The following ANK2 variants were observed in gnomAD, a reference collection of about 807,000 sequenced individuals.
ANK2 encodes ankyrin-2.
In ANK2, 83 loss-of-function variants were observed where a neutral mutation model predicts 360.5. That is an observed-to-expected ratio of 0.23 (90% confidence interval 0.19 to 0.28). The LOEUF (loss-of-function observed/expected upper bound fraction) is 0.28, where lower values mean the gene tolerates loss of function less well. Among genes scored for constraint, ANK2 ranks in the 10% least tolerant of loss-of-function variants. ANK2 has a pLI of 1.00. For synonymous variants in ANK2, 1,740 were observed against 1,759.5 expected (o/e 0.99, Z 0.28); for missense variants, 4,201 against 4,795.7 (o/e 0.88, Z 3.66).
chr4:113,176,821 T>C (rs1326858569), intron 2 of ANK2, among the ~76,000 whole-genome samples: 1 of 152,034 alleles, frequency 6.6e-6, no homozygotes, highest in Non-Finnish European at 1.5e-5. Context: ...TGATATTCCC[T>C]TTCCTGTGTC....
At chr4:112,948,085 T>G (rs1036161864) in intron 2 of ANK2, among the ~76,000 whole-genome samples, 3 of 152,256 alleles carry the variant, frequency 2.0e-5, no homozygotes, top group African/African-American at 7.2e-5. Flanking sequence ...TTCTTCATTT[T>G]TCTGTTCAAA....
At chr4:113,379,959 C>A (rs4834332) in intron 45 of ANK2, among the ~76,000 whole-genome samples, 13,400 of 152,150 alleles carry the variant, frequency 0.088, 721 homozygotes, top group Middle Eastern at 0.18. Flanking sequence ...TTTCCTATGG[C>A]GGTTTTAAGT....
intron 2 of ANK2, among the ~76,000 whole-genome samples, chr4:112,973,037 G>A (rs771650247): frequency 3.3e-5 from 5 of 152,066 alleles, no homozygotes; most frequent in Non-Finnish European, 5.9e-5. Context: ...TGGGAGGGGA[G>A]CGAGGGATAA....
chr4:112,828,417 A>G (rs1277753599), intron 1 of ANK2, among the ~76,000 whole-genome samples: 1 of 151,990 alleles, frequency 6.6e-6, no homozygotes, highest in Non-Finnish European at 1.5e-5. Context: ...TATTTTTAGT[A>G]AAGAGGGGGG....
chr4:113,124,681 A>G (rs930041486), intron 1 of ANK2, among the ~76,000 whole-genome samples: 2 of 152,166 alleles, frequency 1.3e-5, no homozygotes, highest in Non-Finnish European at 2.9e-5. Flanking sequence ...CTTCATTAGC[A>G]ACTTTGCCAG....
At chr4:112,850,168 A>C (rs1307572762) in intron 1 of ANK2, among the ~76,000 whole-genome samples, 1 of 152,130 alleles carries the variant, frequency 6.6e-6, no homozygotes, top group Non-Finnish European at 1.5e-5. Flanking sequence ...ACTTGGACTG[A>C]AGGGCATCAA....
At chr4:112,877,982 C>A (rs185989979) in intron 1 of ANK2, among the ~76,000 whole-genome samples, 5 of 152,308 alleles carry the variant, frequency 3.3e-5, no homozygotes, top group Admixed American at 6.5e-5. Context: ...AATGACCAAT[C>A]TTTGACTCCT....
intron 45 of ANK2, chr4:113,374,884 A>C: frequency 7.9e-7 from 1 of 1,267,800 alleles, no homozygotes; most frequent in Non-Finnish European, 1.0e-6. Context: ...GAGGATGGAG[A>C]AACATCTGGG....
chr4:113,249,924 C>G lies in ANK2; in HGVS notation c.990+62C>G, dbSNP rs566435144. Reference sequence around the variant, plus strand: ...CTTTAAGTTACTTGATGTATTATCTCTATTCTTTTTTAAATTGAAACATCA... The same window carrying G: ...CTTTAAGTTACTTGATGTATTATCTGTATTCTTTTTTAAATTGAAACATCA... On this transcript the variant is annotated intron_variant, in intron 10 of 45. Coordinates refer to ENST00000357077, the MANE Select transcript of ANK2 (RefSeq NM_001148.6). The G allele has an allele frequency of 3.1e-5, 45 of 1,434,550 alleles. No individual in the cohort carries two copies. The African/African-American group carries it at 4.8e-4, about 15-fold the overall frequency. 88.9% of individuals were successfully genotyped at this position (1,434,550 alleles called of 1,614,324 possible).
At chr4:113,174,114 G>C (rs560368237) in intron 1 of ANK2, 1 of 338,642 alleles carries the variant, frequency 3.0e-6, no homozygotes, top group South Asian at 2.5e-5. Context: ...CTTGAGGCTA[G>C]CATCAACACG....
chr4:112,752,422 G>T, the ANK2 span, among the ~76,000 whole-genome samples: 45 of 152,130 alleles, frequency 3.0e-4, no homozygotes, highest in South Asian at 8.9e-3. Context: ...TTTGTTTTTT[G>T]TCTTTTAGAG....
At chr4:113,106,025 TTA>T (rs1300782951) in intron 1 of ANK2, among the ~76,000 whole-genome samples, 1 of 152,188 alleles carries the variant, frequency 6.6e-6, no homozygotes, top group Admixed American at 6.5e-5. Flanking sequence ...ATTCCTATTT[TTA>T]CTCAAAAAAT....
intron 20 of ANK2, among the ~76,000 whole-genome samples, chr4:113,290,283 AT>A: frequency 6.6e-6 from 1 of 151,534 alleles, no homozygotes; most frequent in Non-Finnish European, 1.5e-5. Context: ...AACTCTTCAG[AT>A]TTTTTTTCAC....
At chr4:113,366,473 G>A (rs1356455803) in intron 41 of ANK2, among the ~76,000 whole-genome samples, 1 of 134,718 alleles carries the variant, frequency 7.4e-6, no homozygotes, top group Non-Finnish European at 1.5e-5. Context: ...TGTGAATGAT[G>A]ATGTATCTTA....
chr4:113,288,564 G>T, intron 20 of ANK2, 78 bp downstream of exon 20: 1 of 1,203,002 alleles, frequency 8.3e-7, no homozygotes, highest in African/African-American at 1.5e-5. Flanking sequence ...GTTTACCAAA[G>T]CTACAAGTGT....
At chr4:113,047,265 A>G (rs377335119), upstream of ANK2, among the ~76,000 whole-genome samples, 34 of 152,270 alleles carry the variant, frequency 2.2e-4, no homozygotes, top group Non-Finnish European at 4.4e-4. Context: ...GCACAGTAAC[A>G]TGTGTCTCTC....
At chr4:113,081,582 G>A (rs992900765) in intron 1 of ANK2, among the ~76,000 whole-genome samples, 1 of 152,006 alleles carries the variant, frequency 6.6e-6, no homozygotes, top group Non-Finnish European at 1.5e-5. Context: ...GGAAAATTTT[G>A]CTGCCATGGC....
chr4:113,040,758 G>C (rs1183813948), intron 2 of ANK2, among the ~76,000 whole-genome samples: 1 of 152,032 alleles, frequency 6.6e-6, no homozygotes, highest in Non-Finnish European at 1.5e-5. Flanking sequence ...AAGGTGTAAA[G>C]GCTACTTAGT....
the ANK2 span, among the ~76,000 whole-genome samples, chr4:112,793,706 CTT>C: frequency 3.1e-4 from 42 of 134,744 alleles, no homozygotes; most frequent in Admixed American, 5.3e-4. Flanking sequence ...ATTTTCTTTT[CTT>C]TTTTTTTTTT....
Sources: gnomAD v4.1 joint callset for allele counts (sites outside exome capture counted in the v4.1 genomes callset) on GRCh38, gnomAD v4.1.1 for gene constraint, MANE v1.5 for transcripts, NCBI Gene and HGNC (gene_info 2026-07-23, HGNC 2026-07-21) for gene names.